Variants in WDFY4 observed in about 807,000 individuals in gnomAD.
WDFY4 encodes the protein WD repeat- and FYVE domain-containing protein 4.
A neutral mutation model predicts 351.9 loss-of-function variants in WDFY4; 169 were observed. The ratio of observed to expected loss-of-function variants is 0.48; its 90% CI spans 0.42 to 0.55. The LOEUF (loss-of-function observed/expected upper bound fraction) is 0.55. WDFY4 is among the 20% of genes least tolerant of loss of function. The pLI is 0.00. For synonymous variants in WDFY4, 1,622 were observed against 1,574.6 expected, an observed-to-expected ratio of 1.03 and a Z score of -0.71; for missense variants, 3,803 against 3,935.6, an observed-to-expected ratio of 0.97 and a Z score of 0.90.
intron 52 of WDFY4, among the ~76,000 whole-genome samples, chr10:48,958,096 A>G (rs1374768991): frequency 2.6e-5 from 4 of 152,310 alleles, no homozygotes; most frequent in Middle Eastern, 3.4e-3. Context: ...ACATAAGGGC[A>G]TGCACCTGAG....
chr10:48,919,435 T>C (rs973181150), intron 47 of WDFY4, among the ~76,000 whole-genome samples: 4 of 152,254 alleles, frequency 2.6e-5, no homozygotes, highest in South Asian at 2.1e-4. Flanking sequence ...AGTAGTCTTA[T>C]TGTTAAATTC....
At chr10:48,848,514 G>A (rs534593201) in intron 39 of WDFY4, among the ~76,000 whole-genome samples, 5 of 152,320 alleles carry the variant, frequency 3.3e-5, no homozygotes, top group African/African-American at 4.8e-5. Context: ...CGTAGGTGGC[G>A]TCAGCAGGTC....
chr10:48,897,999 C>T (rs1837173170), intron 45 of WDFY4, among the ~76,000 whole-genome samples: 1 of 152,122 alleles, frequency 6.6e-6, no homozygotes, highest in African/African-American at 2.4e-5. Context: ...CATACTCTCC[C>T]CCTTTCTCCC....
chr10:48,709,646 C>T (rs904948984), intron 1 of WDFY4, 70 bp from the exon 2 acceptor site: 72 of 1,371,054 alleles, frequency 5.3e-5, no homozygotes, highest in Non-Finnish European at 7.1e-6. Flanking sequence ...AGTACAGTAC[C>T]TTATCCACAG....
intron 52 of WDFY4, among the ~76,000 whole-genome samples, chr10:48,958,537 G>C (rs977303836): frequency 6.6e-6 from 1 of 152,206 alleles, no homozygotes; most frequent in African/African-American, 2.4e-5. Flanking sequence ...TGGAGGCCAA[G>C]AGAGCAAATG....
At chr10:48,946,616 C>T (rs1841054931) in intron 50 of WDFY4, among the ~76,000 whole-genome samples, 1 of 152,206 alleles carries the variant, frequency 6.6e-6, no homozygotes, top group South Asian at 2.1e-4. Flanking sequence ...AATGGCAGAG[C>T]CTGCATTTGT....
intron 47 of WDFY4, among the ~76,000 whole-genome samples, chr10:48,931,130 C>T (rs529052443): frequency 1.4e-3 from 212 of 146,260 alleles, no homozygotes; most frequent in Non-Finnish European, 2.5e-3. Flanking sequence ...CACACACACA[C>T]GATTCCGCTT....
intron 47 of WDFY4, among the ~76,000 whole-genome samples, chr10:48,938,465 C>T (rs1840539870): frequency 6.6e-6 from 1 of 152,264 alleles, no homozygotes; most frequent in African/African-American, 2.4e-5. Context: ...GGCCCAGCCA[C>T]AGGCTGCTCT....
intron 12 of WDFY4, among the ~76,000 whole-genome samples, chr10:48,759,587 G>A (rs747926406): frequency 6.6e-6 from 1 of 152,144 alleles, no homozygotes; most frequent in African/African-American, 2.4e-5. Flanking sequence ...CCTGAAAGAT[G>A]GGTTGGGAAA....
rs140410231 is a variant in WDFY4 at position 48,813,630 on chromosome 10, C to G, written c.5215-327C>G. Among the ~76,000 whole-genome samples, 451 of 152,194 alleles carry G rather than the reference C, an allele frequency of 3.0e-3. 2 individuals carry two copies. The highest frequency in any genetic ancestry group is 0.01 in the African/African-American group (435 of 41,522). The stretch of plus-strand genomic sequence containing the variant: ...CTACATGCTGAAGTTTCCCCTGAAA[C>G]CTTTGAATTCTTTATATGTCTTATA... On this transcript the variant is annotated intron_variant, in intron 30 of 61. Transcript: ENST00000325239.
chr10:48,785,712 A>G (rs942637916), intron 19 of WDFY4, among the ~76,000 whole-genome samples: 4 of 152,200 alleles, frequency 2.6e-5, no homozygotes, highest in Non-Finnish European at 4.4e-5. Context: ...CTTTATACCA[A>G]TGTCACACTA....
chr10:48,947,041 A>G (rs1841082075), intron 51 of WDFY4, 72 bp downstream of exon 51: 1 of 1,249,548 alleles, frequency 8.0e-7, no homozygotes, highest in Non-Finnish European at 1.1e-6. Flanking sequence ...TCACAAGACT[A>G]AGACCTGTGC....
Position 48,867,265 on chromosome 10 carries a change from G to A in WDFY4, c.6664G>A (p.Asp2222Asn), listed in dbSNP as rs267602500. Reference protein sequence around the residue: ...QAKDPECKTEDFVSCIENYRR... With the variant: ...QAKDPECKTENFVSCIENYRR... ...GTGACTTGTTTTCTCCTTTCTCCAGGATTTTGTGTCATGTATAGAGAACTA... is the reference window on the plus strand; with the variant it reads ...GTGACTTGTTTTCTCCTTTCTCCAGAATTTTGTGTCATGTATAGAGAACTA... The change falls in exon 40 of 62, where the codon GAT becomes AAT. Residue 2222 changes from aspartate (D) to asparagine (N), a missense_variant and splice_region_variant. Around this residue, in one of 3 missense-constraint regions of WDFY4, gnomAD observed 3,054 missense variants for 3,148.6 expected, o/e 0.97. Coordinates refer to ENST00000325239, the MANE Select transcript of WDFY4 (RefSeq NM_001394531.1). The A allele has an allele frequency of 1.3e-5, 18 of 1,392,052 alleles. 1 individual carries two copies. In the Middle Eastern group the frequency reaches 2.0e-3, roughly 157 times the overall value. The allele number at this position is 1,392,052 out of a possible 1,614,324, so 86.2% of individuals were successfully genotyped here.
intron 19 of WDFY4, among the ~76,000 whole-genome samples, chr10:48,785,045 A>G (rs952586078): frequency 1.3e-5 from 2 of 149,582 alleles, no homozygotes; most frequent in African/African-American, 4.9e-5. Flanking sequence ...GTTTTTTAGT[A>G]GAGACAGGGT....
At chr10:48,852,546 C>T (rs2068991566) in intron 39 of WDFY4, among the ~76,000 whole-genome samples, 1 of 152,188 alleles carries the variant, frequency 6.6e-6, no homozygotes, top group Admixed American at 6.5e-5. Context: ...GTTCCCTGTT[C>T]CATTCTCCCA....
chr10:48,921,134 T>A (rs1239884316), intron 47 of WDFY4, among the ~76,000 whole-genome samples: 1 of 152,100 alleles, frequency 6.6e-6, no homozygotes, highest in African/African-American at 2.4e-5. Flanking sequence ...TTAAAACTTA[T>A]ATGAAAGGAA....
At chr10:48,745,198 G>T (rs2064971845) in intron 12 of WDFY4, among the ~76,000 whole-genome samples, 1 of 152,100 alleles carries the variant, frequency 6.6e-6, no homozygotes, top group African/African-American at 2.4e-5. Flanking sequence ...TGACTCTTAT[G>T]TGTTTGAATT....
At chr10:48,971,794 T>C (rs1307261028) in intron 57 of WDFY4, among the ~76,000 whole-genome samples, 2 of 152,160 alleles carry the variant, frequency 1.3e-5, no homozygotes, top group Non-Finnish European at 2.9e-5. Flanking sequence ...GAGGCAGCTG[T>C]ACAGGCAACA....
chr10:48,864,367 C>T (rs1278507161), intron 39 of WDFY4, among the ~76,000 whole-genome samples: 1 of 152,092 alleles, frequency 6.6e-6, no homozygotes, highest in Non-Finnish European at 1.5e-5. Context: ...GTTTTGGCAC[C>T]TTTGTAAAGA....
Sources: allele counts gnomAD v4.1 joint callset (sites outside exome capture counted in the v4.1 genomes callset), GRCh38; gene constraint gnomAD v4.1.1; regional missense constraint gnomAD v4.1.1; transcripts MANE v1.5; gene names NCBI Gene and HGNC (gene_info 2026-07-23, HGNC 2026-07-21).